Variants in KIAA1958 observed in about 807,000 individuals in gnomAD.
The protein encoded by KIAA1958 is uncharacterized protein KIAA1958.
A neutral mutation model predicts 47.2 loss-of-function variants in KIAA1958; 14 were observed. That is an observed-to-expected ratio of 0.30 (90% CI 0.20 to 0.46). KIAA1958 has a LOEUF of 0.46. Among genes scored for constraint, KIAA1958 ranks in the 20% least tolerant of loss-of-function variants. KIAA1958 has a pLI of 1.00. For missense variants in KIAA1958, 803 were observed against 909.2 expected, an observed-to-expected ratio of 0.88 and a Z score of 1.50; for synonymous variants, 354 against 353.3, an observed-to-expected ratio of 1.00 and a Z score of -0.02.
In KIAA1958 at chr9:112,663,058, C is replaced by T. The variant is rs1225973255; in HGVS notation, c.*2989C>T. On this transcript the variant is annotated 3_prime_UTR_variant, in exon 4 of 4. Transcript: ENST00000337530. ...CTTACCTTTGGGTTTTTTATGCTCC[C>T]AAGTAGAAATAAATATCAAGAATTC... 1 of 152,136 alleles carries T rather than the reference C, an allele frequency of 6.6e-6. No individual in the cohort carries two copies. The highest frequency in any genetic ancestry group is 2.4e-5 in the African/African-American group (1 of 41,410). The allele number at this position is 152,136 out of a possible 1,614,324, so 9.4% of individuals were successfully genotyped here. A position where few individuals can be genotyped will look rare whatever the true frequency, so the allele number is the denominator to read the frequency against.
intron 2 of KIAA1958, among the ~76,000 whole-genome samples, chr9:112,579,744 T>G (rs1490823059): frequency 6.6e-6 from 1 of 152,188 alleles, no homozygotes; most frequent in East Asian, 1.9e-4. Context: ...TAAAATTGAG[T>G]TCAGTGAGCT....
intron 1 of KIAA1958, among the ~76,000 whole-genome samples, chr9:112,504,869 CAT>C (rs1464208179): frequency 1.1e-4 from 17 of 152,142 alleles, no homozygotes; most frequent in Admixed American, 3.3e-4. Flanking sequence ...ATTTTGTTAA[CAT>C]GTGTATAATG....
chr9:112,562,997 A>G (rs2131161142), intron 1 of KIAA1958, among the ~76,000 whole-genome samples: 1 of 151,226 alleles, frequency 6.6e-6, no homozygotes, highest in Middle Eastern at 3.4e-3. Flanking sequence ...TTAAGCTCAA[A>G]CATTTAATTC....
chr9:112,542,511 T>C (rs1202997324), intron 1 of KIAA1958, among the ~76,000 whole-genome samples: 5 of 152,232 alleles, frequency 3.3e-5, no homozygotes, highest in African/African-American at 1.2e-4. Context: ...TCTACAACTC[T>C]TTGCATTTTA....
chr9:112,624,197 A>G (rs1836563242), intron 2 of KIAA1958, among the ~76,000 whole-genome samples: 1 of 152,240 alleles, frequency 6.6e-6, no homozygotes, highest in African/African-American at 2.4e-5. Flanking sequence ...CAAGTTCTCT[A>G]TCAGCTTAAT....
rs140912307 is a variant in KIAA1958 at position 112,615,139 on chromosome 9, A to C, written c.1172-30511A>C. ...ATATTTTATAAAAATGAAGAGGAGG[A>C]GGCCGGGCATGGTGGCTCATGCCTG... On this transcript the variant is annotated intron_variant, in intron 2 of 3. Transcript: ENST00000337530. 2.7e-3 allele frequency among the ~76,000 whole-genome samples: 408 copies of C among 152,272 alleles called. 2 individuals carry two copies. The highest frequency in any genetic ancestry group is 9.6e-3 in the African/African-American group (397 of 41,566).
chr9:112,669,220 AT>A lies in KIAA1958; in HGVS notation c.*9160del, dbSNP rs150774767. The A allele has an allele frequency of 2.0e-5, 3 of 151,454 alleles. No homozygotes were observed. Among genetic ancestry groups the A allele is most frequent in the African/African-American group, 4.8e-5 (2 of 41,278 alleles). 9.4% of individuals were successfully genotyped at this position (151,454 alleles called of 1,614,324 possible). On this transcript the variant is annotated 3_prime_UTR_variant, in exon 4 of 4. Transcript: ENST00000337530. ...TCCTAGAGTGTCAGCGTTGGAAGGGATTTTTTTTTGTTCCTCCAGTCCGGCC... is the reference window on the plus strand; with the variant it reads ...TCCTAGAGTGTCAGCGTTGGAAGGGATTTTTTTTGTTCCTCCAGTCCGGCC...
At chr9:112,579,240 T>C (rs1835698218) in intron 2 of KIAA1958, among the ~76,000 whole-genome samples, 1 of 152,208 alleles carries the variant, frequency 6.6e-6, no homozygotes, top group African/African-American at 2.4e-5. Flanking sequence ...TTCTTAATTT[T>C]TATGAAGGCA....
chr9:112,519,909 CTG>C (rs1360224118), intron 1 of KIAA1958, among the ~76,000 whole-genome samples: 10 of 152,126 alleles, frequency 6.6e-5, no homozygotes, highest in Admixed American at 3.3e-4. Flanking sequence ...TCAGTAAGTG[CTG>C]ATATAAATAC....
At chr9:112,581,539 C>G (rs1835735227) in intron 2 of KIAA1958, among the ~76,000 whole-genome samples, 1 of 152,278 alleles carries the variant, frequency 6.6e-6, no homozygotes. Context: ...CAGCCTCCCC[C>G]AAGCCCTCAG....
Position 112,663,354 on chromosome 9 carries a change from G to A in KIAA1958, c.*3285G>A, listed in dbSNP as rs775839983. 4 of 151,990 alleles carry A rather than the reference G, an allele frequency of 2.6e-5. No individual in the cohort carries two copies. The highest frequency in any genetic ancestry group is 6.6e-5 in the Admixed American group (1 of 15,256). 9.4% of individuals were successfully genotyped at this position (151,990 alleles called of 1,614,324 possible). ...GATTCAATTGAATATAGTTTAGTGCGGTACCAGGCACATCATAAGCATGCA... is the reference window on the plus strand; with the variant it reads ...GATTCAATTGAATATAGTTTAGTGCAGTACCAGGCACATCATAAGCATGCA... On this transcript the variant is annotated 3_prime_UTR_variant, in exon 4 of 4. Transcript: ENST00000337530.
intron 2 of KIAA1958, among the ~76,000 whole-genome samples, chr9:112,606,103 A>G (rs1362325049): frequency 6.6e-6 from 1 of 152,204 alleles, no homozygotes; most frequent in African/African-American, 2.4e-5. Flanking sequence ...GTAGCTCGGC[A>G]GGACCTGATT....
At chr9:112,565,238 A>G (rs576069421) in intron 1 of KIAA1958, among the ~76,000 whole-genome samples, 68 of 152,340 alleles carry the variant, frequency 4.5e-4, no homozygotes, top group African/African-American at 1.6e-3. Context: ...CCTAAACTCC[A>G]CCAGCTAGAA....
chr9:112,526,560 T>C (rs753422961), intron 1 of KIAA1958, among the ~76,000 whole-genome samples: 50 of 152,196 alleles, frequency 3.3e-4, no homozygotes, highest in Non-Finnish European at 5.7e-4. Flanking sequence ...CTGGGCACTT[T>C]ATAATTAACA....
At chr9:112,612,091 T>A (rs1023756367) in intron 2 of KIAA1958, among the ~76,000 whole-genome samples, 3 of 152,064 alleles carry the variant, frequency 2.0e-5, no homozygotes, top group Non-Finnish European at 4.4e-5. Flanking sequence ...GCTAAATTAA[T>A]AATATGTAAA....
chr9:112,629,110 T>C (rs1836667416), intron 2 of KIAA1958, among the ~76,000 whole-genome samples: 1 of 152,194 alleles, frequency 6.6e-6, no homozygotes. Flanking sequence ...TAAGCTTTCT[T>C]TCACTTTTAC....
chr9:112,647,213 T>C (rs1472028646), intron 3 of KIAA1958, among the ~76,000 whole-genome samples: 1 of 150,378 alleles, frequency 6.6e-6, no homozygotes, highest in Non-Finnish European at 1.5e-5. Context: ...AGTAAGCACA[T>C]ATGAAAGGCA....
intron 2 of KIAA1958, among the ~76,000 whole-genome samples, chr9:112,621,302 G>T (rs767332711): frequency 6.6e-6 from 1 of 152,028 alleles, no homozygotes; most frequent in Non-Finnish European, 1.5e-5. Flanking sequence ...TCTATAGTTA[G>T]TCCTTACGGC....
At chr9:112,553,009 T>C (rs552631323) in intron 1 of KIAA1958, among the ~76,000 whole-genome samples, 1 of 152,186 alleles carries the variant, frequency 6.6e-6, no homozygotes, top group East Asian at 1.9e-4. Flanking sequence ...TTAGTAGTAC[T>C]CACCCCGGGT....
Sources: gnomAD v4.1 joint callset for allele counts (sites outside exome capture counted in the v4.1 genomes callset) on GRCh38, gnomAD v4.1.1 for gene constraint, MANE v1.5 for transcripts, NCBI Gene and HGNC (gene_info 2026-07-23, HGNC 2026-07-21) for gene names.